The following MAGI1 variants were observed in gnomAD, a reference collection of about 807,000 sequenced individuals.
MAGI1 encodes membrane-associated guanylate kinase, WW and PDZ domain-containing protein 1.
A neutral mutation model predicts 139.9 loss-of-function variants in MAGI1; 58 were observed. The observed-to-expected ratio is 0.41, with a 90% CI of 0.34 to 0.52. The LOEUF is 0.52. MAGI1 is among the 20% of genes least tolerant of loss of function. MAGI1 has a pLI of 0.12. For missense variants in MAGI1, 1,874 were observed against 1,901.6 expected (o/e 0.99, Z 0.27); for synonymous variants, 812 against 737.9 (o/e 1.10, Z -1.63).
At chr3:65,493,397 C>A in intron 3 of MAGI1, 115 bp downstream of exon 3, 2 of 1,210,136 alleles carry the variant, frequency 1.7e-6, no homozygotes, top group South Asian at 1.4e-5. Context: ...GAACTGAAAT[C>A]TCCTGTTATT....
chr3:65,487,930 A>C (rs1951728768), intron 3 of MAGI1, among the ~76,000 whole-genome samples: 1 of 152,228 alleles, frequency 6.6e-6, no homozygotes, highest in Non-Finnish European at 1.5e-5. Context: ...AATTTAAATG[A>C]GTTTATGTTG....
Position 65,729,133 on chromosome 3 carries a change from G to A in MAGI1, c.314-107045C>T, listed in dbSNP as rs962981315. Among the ~76,000 whole-genome samples, 4 of 100,712 alleles carry A rather than the reference G, an allele frequency of 4.0e-5. 1 individual carries two copies. The highest frequency in any genetic ancestry group is 4.2e-4 in the East Asian group (1 of 2,360). 66.1% of individuals were successfully genotyped at this position (100,712 alleles called of 152,430 possible). A position where few individuals can be genotyped will look rare whatever the true frequency, so the allele number is the denominator to read the frequency against. On this transcript the variant is annotated intron_variant, in intron 1 of 22. Coordinates refer to ENST00000402939, the MANE Select transcript of MAGI1 (RefSeq NM_001033057.2). ...CAAAAAATGGAACGGGGGGGGGGGG[G>A]GGGATGATATTCACTCTGAAGAAAA...
At chr3:65,986,409 A>T (rs903351902) in intron 1 of MAGI1, among the ~76,000 whole-genome samples, 1 of 152,206 alleles carries the variant, frequency 6.6e-6, no homozygotes, top group Admixed American at 6.5e-5. Flanking sequence ...TGTCTCTTGC[A>T]TCTGAATCAG....
At chr3:65,443,682 G>GT (rs79036104) in intron 7 of MAGI1, among the ~76,000 whole-genome samples, 9 of 151,762 alleles carry the variant, frequency 5.9e-5, no homozygotes, top group Admixed American at 1.3e-4. Context: ...TAGGTTGTGG[G>GT]TTTTTTTTGT....
chr3:65,737,171 T>C (rs913209679), intron 1 of MAGI1, among the ~76,000 whole-genome samples: 5 of 152,018 alleles, frequency 3.3e-5, no homozygotes, highest in Admixed American at 1.3e-4. Flanking sequence ...GCCTGGCTAA[T>C]TTTTTGTATT....
intron 1 of MAGI1, among the ~76,000 whole-genome samples, chr3:65,751,715 ACATATG>A (rs2036168457): frequency 3.3e-5 from 5 of 152,228 alleles, no homozygotes; most frequent in Admixed American, 2.6e-4. Flanking sequence ...GTGCAGATTT[ACATATG>A]CATGTGCATT....
chr3:65,745,064 C>G (rs1352361506), intron 1 of MAGI1, among the ~76,000 whole-genome samples: 1 of 152,022 alleles, frequency 6.6e-6, no homozygotes, highest in Admixed American at 6.6e-5. Context: ...AGTGTTGGTC[C>G]TTTTGCATCT....
At position 65,429,955 on chromosome 3, in the gene MAGI1, T is replaced by C. The variant is rs1224189075; in HGVS notation, c.1732A>G (p.Lys578Glu). 1 of 1,614,010 alleles carries C rather than the reference T, an allele frequency of 6.2e-7. No individual in the cohort carries two copies. The highest frequency in any genetic ancestry group is 8.5e-7 in the Non-Finnish European group (1 of 1,179,944). The change falls in exon 12 of 23, where the codon AAA becomes GAA. Residue 578 changes from lysine (K) to glutamate (E), a missense_variant. Coordinates refer to ENST00000402939, the MANE Select transcript of MAGI1 (RefSeq NM_001033057.2). ...SLVTSVAILD[K>E]EPIIVNGQET... ...TGCCCATTCACAATAATTGGTTCTTTATCCAAAATGGCTACCGAGGTCACT... is the reference window on the plus strand; with the variant it reads ...TGCCCATTCACAATAATTGGTTCTTCATCCAAAATGGCTACCGAGGTCACT...
intron 1 of MAGI1, among the ~76,000 whole-genome samples, chr3:66,026,594 T>C (rs1015295400): frequency 6.6e-6 from 1 of 151,256 alleles, no homozygotes; most frequent in Non-Finnish European, 1.5e-5. Context: ...TAATCTAGTA[T>C]GGGAGACAGT....
chr3:65,395,636 CAAAAAAAAAAAAAAA>C (rs58806140), intron 13 of MAGI1, among the ~76,000 whole-genome samples: 1 of 19,172 alleles, frequency 5.2e-5, no homozygotes, highest in Non-Finnish European at 1.1e-4. Context: ...GACTCCATCT[CAAAAAAAAAAAAAAA>C]AAAAAAGAGG....
intron 1 of MAGI1, among the ~76,000 whole-genome samples, chr3:65,882,459 T>C (rs1443374565): frequency 7.2e-5 from 11 of 152,152 alleles, no homozygotes. Context: ...AGAGTATGTC[T>C]GATTGACAGA....
intron 1 of MAGI1, among the ~76,000 whole-genome samples, chr3:65,837,637 C>T (rs541230924): frequency 1.3e-5 from 2 of 152,326 alleles, no homozygotes; most frequent in South Asian, 4.1e-4. Context: ...AAGGTATAAA[C>T]ACTAAATACG....
intron 1 of MAGI1, among the ~76,000 whole-genome samples, chr3:65,803,211 ATAG>A (rs946118920): frequency 3.3e-5 from 5 of 152,200 alleles, no homozygotes; most frequent in Non-Finnish European, 5.9e-5. Context: ...TCAATTAAAA[ATAG>A]TATTAGGAAT....
intron 1 of MAGI1, among the ~76,000 whole-genome samples, chr3:66,004,136 G>A (rs985700039): frequency 6.6e-6 from 1 of 152,166 alleles, no homozygotes. Flanking sequence ...TAGAAGCCAA[G>A]GACTTTCCTC....
At chr3:65,567,900 C>T (rs1341171815) in intron 2 of MAGI1, among the ~76,000 whole-genome samples, 7 of 152,034 alleles carry the variant, frequency 4.6e-5, no homozygotes, top group Non-Finnish European at 8.8e-5. Context: ...GTAACGTATC[C>T]CACTGGCATG....
At chr3:65,956,070 A>G (rs1164307539) in intron 1 of MAGI1, among the ~76,000 whole-genome samples, 1 of 152,144 alleles carries the variant, frequency 6.6e-6, no homozygotes, top group Non-Finnish European at 1.5e-5. Context: ...GACATCAAAC[A>G]AACAAGGCAG....
chr3:65,732,718 C>G (rs941444881), intron 1 of MAGI1, among the ~76,000 whole-genome samples: 2 of 152,310 alleles, frequency 1.3e-5, no homozygotes, highest in African/African-American at 4.8e-5. Flanking sequence ...ACAGATTATA[C>G]ATCACAATTA....
chr3:65,565,033 T>G (rs893509660), intron 2 of MAGI1, among the ~76,000 whole-genome samples: 4 of 152,188 alleles, frequency 2.6e-5, no homozygotes, highest in Non-Finnish European at 5.9e-5. Context: ...GATTATTTCA[T>G]TCTTTCCAAA....
chr3:66,038,231 G>C lies in MAGI1; in HGVS notation c.78C>G (p.Gly26=). ...CTCCCAGCACCGTCACCCCCAGCTC[G>C]CCCTGGGGTCCCCGCTTCACGGTGC... ...HECTVKRGPQ[G]ELGVTVLGGA... is the part of the protein sequence containing the mutation. The change falls in exon 1 of 23, where the codon GGC becomes GGG. Residue 26 remains glycine (G), a synonymous_variant. Coordinates refer to ENST00000402939, the MANE Select transcript of MAGI1 (RefSeq NM_001033057.2). 1 of 1,611,624 alleles carries C rather than the reference G, an allele frequency of 6.2e-7. No homozygotes were observed. Among genetic ancestry groups the C allele is most frequent in the South Asian group, 1.1e-5 (1 of 90,960 alleles).
Sources: gnomAD v4.1 joint callset for allele counts (sites outside exome capture counted in the v4.1 genomes callset) on GRCh38, gnomAD v4.1.1 for gene constraint, MANE v1.5 for transcripts, NCBI Gene and HGNC (gene_info 2026-07-23, HGNC 2026-07-21) for gene names.